The following ABR variants were observed in gnomAD, a reference collection of about 807,000 sequenced individuals.
ABR encodes the protein ABR activator of RhoGEF and GTPase, also known as active breakpoint cluster region-related protein.
Under a neutral mutation model 107.2 loss-of-function variants are expected in ABR, and 35 were observed. The observed-to-expected ratio is 0.33, with a 90% CI of 0.25 to 0.43. The LOEUF (loss-of-function observed/expected upper bound fraction) is 0.43. Ranked by LOEUF, ABR falls within the 20% of genes least tolerant of loss-of-function variation. ABR has a pLI of 1.00. For synonymous variants in ABR, 498 were observed against 462.0 expected, an observed-to-expected ratio of 1.08 and a Z score of -1.00; for missense variants, 815 against 1,115.2, an observed-to-expected ratio of 0.73 and a Z score of 3.83.
chr17:1,137,334 G>C (rs2040113673), intron 1 of ABR, among the ~76,000 whole-genome samples: 1 of 152,176 alleles, frequency 6.6e-6, no homozygotes, highest in Non-Finnish European at 1.5e-5. Context: ...GAGCCACCGA[G>C]CCCGGGCTAA....
At chr17:1,192,057 A>G (rs2042448030), upstream of ABR, among the ~76,000 whole-genome samples, 1 of 152,152 alleles carries the variant, frequency 6.6e-6, no homozygotes, top group African/African-American at 2.4e-5. Context: ...GTAGCTGATA[A>G]AGGAAGGGGG....
upstream of ABR, among the ~76,000 whole-genome samples, chr17:1,184,490 C>G (rs2042231016): frequency 6.6e-6 from 1 of 152,060 alleles, no homozygotes. Context: ...CTGCATCTTC[C>G]TCACTGGGCA....
At chr17:1,176,869 CAA>C (rs67373798) in intron 1 of ABR, among the ~76,000 whole-genome samples, 2 of 139,152 alleles carry the variant, frequency 1.4e-5, no homozygotes, top group Admixed American at 7.1e-5. Context: ...AAACAAAAAA[CAA>C]AAAAAAAAAA....
At chr17:1,100,860 G>A in intron 2 of ABR, 125 bp from the exon 3 acceptor site, 4 of 900,320 alleles carry the variant, frequency 4.4e-6, no homozygotes, top group Non-Finnish European at 7.0e-6. Flanking sequence ...GTCTCGCTCT[G>A]TCACCTAGGC....
rs774689437 is a variant in ABR, at chr17:1,067,181, G to T, written c.1078C>A (p.Pro360Thr). The T allele has an allele frequency of 6.2e-7, 1 of 1,613,436 alleles. No homozygotes were observed. Among genetic ancestry groups the T allele is most frequent in the Non-Finnish European group, 8.5e-7 (1 of 1,179,758 alleles). The change falls in exon 10 of 23, where the codon CCC becomes ACC. Residue 360 changes from proline (P) to threonine (T), a missense_variant. Physicochemically the swap from Pro to Thr is conservative, Grantham distance 38. Coordinates refer to ENST00000302538, the MANE Select transcript of ABR (RefSeq NM_021962.5). Reference protein sequence around the residue: ...IPLADLVFPSPEESEASPQVH... With the variant: ...IPLADLVFPSTEESEASPQVH... ...TGGGGGCTGGCCTCAGACTCCTCGG[G>T]GGATGGAAACACCAGGTCGGCCAGG... is the stretch of plus-strand genomic sequence containing the variant.
At chr17:1,082,024 G>A (rs1013901884) in intron 5 of ABR, among the ~76,000 whole-genome samples, 8 of 152,126 alleles carry the variant, frequency 5.3e-5, no homozygotes, top group Admixed American at 3.3e-4. Context: ...GCTGCCTCTC[G>A]GTGGATTCTA....
intron 9 of ABR, 67 bp from the exon 10 acceptor site, chr17:1,067,309 T>C: frequency 7.0e-7 from 1 of 1,438,810 alleles, no homozygotes. Flanking sequence ...AACTCTTGGG[T>C]CCAGAACCAC....
chr17:1,116,271 G>C (rs1413443243), intron 2 of ABR, among the ~76,000 whole-genome samples: 1 of 133,584 alleles, frequency 7.5e-6, no homozygotes, highest in African/African-American at 2.9e-5. Context: ...GGAGAAGCCG[G>C]TACACAACAC....
At chr17:1,132,643 C>T (rs1394524127) in intron 1 of ABR, among the ~76,000 whole-genome samples, 18 of 152,050 alleles carry the variant, frequency 1.2e-4, no homozygotes, top group Admixed American at 1.1e-3. Flanking sequence ...TCCCAAAGTG[C>T]TGGGATTACA....
intron 16 of ABR, among the ~76,000 whole-genome samples, chr17:1,048,972 C>T (rs1471511823): frequency 6.6e-6 from 1 of 152,198 alleles, no homozygotes; most frequent in Admixed American, 6.5e-5. Flanking sequence ...CACGAGGCCA[C>T]ACGAGGTACC....
intron 1 of ABR, among the ~76,000 whole-genome samples, chr17:1,130,886 C>A (rs922621092): frequency 6.6e-6 from 1 of 152,208 alleles, no homozygotes; most frequent in Non-Finnish European, 1.5e-5. Flanking sequence ...GGGAACTCTG[C>A]CCCGGCAGCC....
In ABR at chr17:1,091,693, A is replaced by T; in HGVS notation, c.503T>A (p.Val168Asp). The change falls in exon 4 of 23, where the codon GTC (valine) becomes GAC (aspartate). Residue 168 changes from valine to aspartate, a missense_variant. Val to Asp is a radical substitution (Grantham distance 152). Coordinates refer to ENST00000302538, the MANE Select transcript of ABR (RefSeq NM_021962.5). ...CTTCTGGAAGAGGTGGCCCATGGTG[A>T]CCTGGCTGTCCCACTGTTGCACCTT... ...CPKVQQWDSQ[V>D]TMGHLFQKLA... is the part of the protein sequence containing the mutation. 6.2e-6 allele frequency: 10 copies of T among 1,613,980 alleles called. No individual in the cohort carries two copies. The highest frequency in any genetic ancestry group is 7.6e-6 in the Non-Finnish European group (9 of 1,179,934).
At position 1,207,649 on chromosome 17, in the gene ABR, C is replaced by CAA. The variant is rs376092819; in HGVS notation, c.838+21142_838+21143dup. Among the ~76,000 whole-genome samples the CAA allele has an allele frequency of 6.9e-3, 595 of 86,068 alleles. 5 individuals are homozygous for CAA. The highest frequency in any genetic ancestry group is 0.021 in the Middle Eastern group (3 of 140). The allele number at this position is 86,068 out of a possible 152,430, so 56.5% of individuals were successfully genotyped here. A position where few individuals can be genotyped will look rare whatever the true frequency, so the allele number is the denominator to read the frequency against. On this transcript the variant is annotated intron_variant, in intron 1 of 22. Transcript: ENST00000574139. ...GGGCAACATGAGCGAAACTCCGTCT[C>CAA]AAAAAAAAAAAAAAAAAGAGAAGTG...
Position 1,203,636 on chromosome 17 carries a change from C to T in ABR, c.838+25157G>A, listed in dbSNP as rs563128444. On this transcript the variant is annotated intron_variant, in intron 1 of 22. Coordinates refer to the ABR transcript ENST00000574139. ...ACCGCCCGCCGCCGCTGCGAGGAGC[C>T]CGGCGAGTGTTCGGCCTCGGTTTCT... is the stretch of plus-strand genomic sequence containing the variant. Among the ~76,000 whole-genome samples, 7 of 152,288 alleles carry T rather than the reference C, an allele frequency of 4.6e-5. No individual in the cohort carries two copies. The South Asian group carries it at 1.2e-3, about 27-fold the overall frequency.
intron 2 of ABR, chr17:1,101,206 C>G (rs549158549): frequency 6.3e-6 from 1 of 159,588 alleles, no homozygotes; most frequent in South Asian, 1.7e-4. Context: ...AACTCCTGAC[C>G]TCAGGTGATC....
chr17:1,007,138 C>T, intron 22 of ABR, 27 bp downstream of exon 22: 1 of 1,533,778 alleles, frequency 6.5e-7, no homozygotes, highest in Non-Finnish European at 8.8e-7. Context: ...CCTCCGCCAG[C>T]CACGGGCCCG....
At chr17:1,209,183 A>G (rs1442060101) in intron 1 of ABR, among the ~76,000 whole-genome samples, 1 of 152,038 alleles carries the variant, frequency 6.6e-6, no homozygotes, top group African/African-American at 2.4e-5. Flanking sequence ...TGGAACTTAC[A>G]GTCATAAAAT....
intron 2 of ABR, among the ~76,000 whole-genome samples, chr17:1,106,846 G>C (rs528790473): frequency 1.8e-4 from 28 of 152,232 alleles, no homozygotes; most frequent in African/African-American, 5.1e-4. Context: ...GCCTACTTCC[G>C]TACTCTATTC....
At chr17:1,122,942 G>C (rs1303429265) in intron 2 of ABR, among the ~76,000 whole-genome samples, 1 of 152,096 alleles carries the variant, frequency 6.6e-6, no homozygotes, top group African/African-American at 2.4e-5. Context: ...TGGTCCAGAA[G>C]TCCCCCCTGT....
Sources: allele counts gnomAD v4.1 joint callset (sites outside exome capture counted in the v4.1 genomes callset), GRCh38; gene constraint gnomAD v4.1.1; transcripts MANE v1.5; gene names NCBI Gene and HGNC (gene_info 2026-07-23, HGNC 2026-07-21).